Variants in IPCEF1 observed in about 807,000 individuals in gnomAD.
The protein encoded by IPCEF1 is interaction protein for cytohesin exchange factors 1.
A neutral mutation model predicts 50.9 loss-of-function variants in IPCEF1; 31 were observed. That is an observed-to-expected ratio of 0.61 (90% CI 0.46 to 0.82). The LOEUF (loss-of-function observed/expected upper bound fraction) is 0.82, where lower values mean the gene tolerates loss of function less well. IPCEF1 is among the 40% of genes least tolerant of loss of function. The pLI, the probability that IPCEF1 is intolerant of heterozygous loss-of-function variation, is 0.00. For missense variants in IPCEF1, 458 were observed against 514.0 expected, an observed-to-expected ratio of 0.89 and a Z score of 1.05; for synonymous variants, 181 against 192.0, an observed-to-expected ratio of 0.94 and a Z score of 0.47.
chr6:154,239,612 T>C (rs1045717522), intron 5 of IPCEF1, among the ~76,000 whole-genome samples: 1 of 152,220 alleles, frequency 6.6e-6, no homozygotes, highest in Non-Finnish European at 1.5e-5. Flanking sequence ...ACATTCCACC[T>C]TCTCATTCTC....
chr6:154,333,428 A>T (rs1783715891), intron 1 of IPCEF1, among the ~76,000 whole-genome samples: 1 of 151,766 alleles, frequency 6.6e-6, no homozygotes, highest in Non-Finnish European at 1.5e-5. Context: ...CTGCCCCTGA[A>T]CATCAGACTC....
chr6:154,265,018 C>T (rs933566004), intron 3 of IPCEF1, among the ~76,000 whole-genome samples: 2 of 152,200 alleles, frequency 1.3e-5, no homozygotes, highest in African/African-American at 2.4e-5. Flanking sequence ...GCTTTTAGCT[C>T]TGCTCCTCAA....
chr6:154,241,109 G>A lies in IPCEF1; in HGVS notation c.246+5482C>T, dbSNP rs188666831. 3.8e-3 allele frequency among the ~76,000 whole-genome samples: 582 copies of A among 151,964 alleles called. 4 individuals carry two copies. The highest frequency in any genetic ancestry group is 0.013 in the African/African-American group (549 of 41,426). On this transcript the variant is annotated intron_variant, in intron 5 of 11. Transcript: ENST00000367220. ...AACTTAGCTGGGCGTGGTGGTGCAC[G>A]CCTGTAATCCCAGCTACTCAGGAGG...
chr6:154,277,113 C>T (rs2128661682), intron 2 of IPCEF1, among the ~76,000 whole-genome samples: 1 of 152,310 alleles, frequency 6.6e-6, no homozygotes, highest in East Asian at 1.9e-4. Context: ...CATTCAGAAA[C>T]TATGAAGGGC....
At chr6:154,336,338 T>TA (rs1382331294) in intron 1 of IPCEF1, among the ~76,000 whole-genome samples, 4 of 152,140 alleles carry the variant, frequency 2.6e-5, no homozygotes, top group African/African-American at 9.7e-5. Flanking sequence ...CATTTGGCCA[T>TA]AAAAAAGAAT....
At chr6:154,345,919 G>T (rs563251124) in intron 1 of IPCEF1, among the ~76,000 whole-genome samples, 3 of 152,260 alleles carry the variant, frequency 2.0e-5, no homozygotes, top group Non-Finnish European at 4.4e-5. Context: ...AGGTTAGAGT[G>T]TAGTGGTGCT....
At chr6:154,314,323 G>A (rs2128682670) in intron 1 of IPCEF1, among the ~76,000 whole-genome samples, 1 of 152,208 alleles carries the variant, frequency 6.6e-6, no homozygotes, top group South Asian at 2.1e-4. Flanking sequence ...ATGGCTCTGT[G>A]CCCAGTAACT....
chr6:154,224,095 A>G (rs1301933517), intron 5 of IPCEF1, among the ~76,000 whole-genome samples: 2 of 152,212 alleles, frequency 1.3e-5, no homozygotes, highest in Admixed American at 1.3e-4. Context: ...TTTCATCTAC[A>G]CTGGTGTCTC....
At chr6:154,203,815 A>G (rs1241706165) in intron 9 of IPCEF1, among the ~76,000 whole-genome samples, 10 of 152,198 alleles carry the variant, frequency 6.6e-5, no homozygotes, top group African/African-American at 2.4e-4. Flanking sequence ...AGAATTGGCC[A>G]GAACCAGCTT....
At chr6:154,230,774 G>A (rs1197866690) in intron 5 of IPCEF1, among the ~76,000 whole-genome samples, 1 of 151,994 alleles carries the variant, frequency 6.6e-6, no homozygotes, top group African/African-American at 2.4e-5. Flanking sequence ...GAAATCAGAA[G>A]ACACCTTAGA....
At chr6:154,308,551 G>C (rs951430214) in intron 1 of IPCEF1, among the ~76,000 whole-genome samples, 2 of 152,142 alleles carry the variant, frequency 1.3e-5, no homozygotes, top group Admixed American at 1.3e-4. Flanking sequence ...AGAGAACAAA[G>C]TATTCTTTAT....
At chr6:154,356,146 G>A (rs1238237117) in intron 1 of IPCEF1, among the ~76,000 whole-genome samples, 2 of 152,008 alleles carry the variant, frequency 1.3e-5, no homozygotes, top group Non-Finnish European at 2.9e-5. Context: ...AAAATCAAGT[G>A]CCCCAGACAC....
At chr6:154,333,974 G>A (rs1164088414) in intron 1 of IPCEF1, among the ~76,000 whole-genome samples, 2 of 152,084 alleles carry the variant, frequency 1.3e-5, no homozygotes, top group Non-Finnish European at 2.9e-5. Flanking sequence ...CATGTACAAC[G>A]GATAGCACTT....
intron 5 of IPCEF1, among the ~76,000 whole-genome samples, 175 bp downstream of exon 5, chr6:154,246,416 C>T (rs2128642615): frequency 6.6e-6 from 1 of 152,332 alleles, no homozygotes; most frequent in South Asian, 2.1e-4. Flanking sequence ...CCATAAAACA[C>T]AGAAGCATAA....
At chr6:154,219,741 T>TA (rs1313569935) in intron 7 of IPCEF1, among the ~76,000 whole-genome samples, 6 of 152,156 alleles carry the variant, frequency 3.9e-5, no homozygotes, top group South Asian at 2.1e-4. Context: ...ACCAAGGGGA[T>TA]AAAAAAAAGC....
intron 1 of IPCEF1, among the ~76,000 whole-genome samples, chr6:154,329,545 C>G (rs560986658): frequency 6.6e-6 from 1 of 151,150 alleles, no homozygotes; most frequent in Non-Finnish European, 1.5e-5. Flanking sequence ...GAGCCATGAC[C>G]GCGCCACTGC....
intron 3 of IPCEF1, among the ~76,000 whole-genome samples, chr6:154,251,856 GGAA>G (rs1359813742): frequency 1.3e-5 from 2 of 152,134 alleles, no homozygotes; most frequent in African/African-American, 2.4e-5. Flanking sequence ...AAGAGAAGAC[GGAA>G]GAAGGAGGAA....
chr6:154,262,817 A>T (rs1195402044), intron 3 of IPCEF1, among the ~76,000 whole-genome samples: 1 of 134,562 alleles, frequency 7.4e-6, no homozygotes, highest in Admixed American at 8.9e-5. Context: ...TTGCTCTGTC[A>T]CCAGGCTGGA....
chr6:154,256,537 G>GTCTCTCTCTCTCTC (rs10644644), intron 3 of IPCEF1, among the ~76,000 whole-genome samples: 2 of 146,206 alleles, frequency 1.4e-5, no homozygotes, highest in African/African-American at 5.0e-5. Flanking sequence ...CTCTGTCTCC[G>GTCTCTCTCTCTCTC]TCTCTCTCTC....
Sources: gnomAD v4.1 joint callset for allele counts (sites outside exome capture counted in the v4.1 genomes callset) on GRCh38, gnomAD v4.1.1 for gene constraint, MANE v1.5 for transcripts, NCBI Gene and HGNC (gene_info 2026-07-23, HGNC 2026-07-21) for gene names.